The following KIAA1549L variants were observed in gnomAD, a reference collection of about 807,000 sequenced individuals.
The protein encoded by KIAA1549L is UPF0606 protein KIAA1549L.
Under a neutral mutation model 160.7 loss-of-function variants are expected in KIAA1549L, and 88 were observed. The observed-to-expected ratio is 0.55, with a 90% confidence interval of 0.46 to 0.65. KIAA1549L has a LOEUF of 0.65. Among genes scored for constraint, KIAA1549L ranks in the 30% least tolerant of loss-of-function variants. The probability of loss-of-function intolerance (pLI) is 0.00; values close to 1 mark genes in which losing one functional copy is unlikely to be tolerated. For synonymous variants in KIAA1549L, 950 were observed against 976.7 expected (o/e 0.97, Z 0.51); for missense variants, 2,258 against 2,437.5 (o/e 0.93, Z 1.55).
chr11:33,390,414 C>T (rs942407028), intron 1 of KIAA1549L, among the ~76,000 whole-genome samples: 5 of 152,178 alleles, frequency 3.3e-5, no homozygotes, highest in South Asian at 2.1e-4. Context: ...AAACCTTGCA[C>T]GGGGCTTTTC....
Position 33,574,874 on chromosome 11 carries a change from G to T in KIAA1549L, c.4402+1G>T. On this transcript the variant is annotated splice_donor_variant, in intron 10 of 20. Coordinates refer to ENST00000658780, the MANE Select transcript of KIAA1549L (RefSeq NM_012194.3). LOFTEE classifies it high-confidence loss of function. ...CACGTTGTCCTTCTGCAAGCTGACC[G>T]TAAGGGAATGGTCTTTTTATTCAGT... is the stretch of plus-strand genomic sequence containing the variant. The T allele has an allele frequency of 6.2e-7, 1 of 1,610,984 alleles. No individual in the cohort carries two copies. The highest frequency in any genetic ancestry group is 8.5e-7 in the Non-Finnish European group (1 of 1,178,064).
intron 17 of KIAA1549L, among the ~76,000 whole-genome samples, chr11:33,654,871 T>G (rs747731127): frequency 1.1e-4 from 16 of 152,196 alleles, no homozygotes; most frequent in Non-Finnish European, 2.4e-4. Flanking sequence ...GGTTGGCCCT[T>G]ATGAAGATGT....
At chr11:33,563,179 T>G (rs894441724) in intron 8 of KIAA1549L, among the ~76,000 whole-genome samples, 1 of 151,466 alleles carries the variant, frequency 6.6e-6, no homozygotes, top group Non-Finnish European at 1.5e-5. Flanking sequence ...CCAACATATC[T>G]AGTAAAAATA....
At chr11:33,386,735 T>C (rs1850180481) in intron 1 of KIAA1549L, among the ~76,000 whole-genome samples, 3 of 151,906 alleles carry the variant, frequency 2.0e-5, no homozygotes, top group African/African-American at 7.3e-5. Context: ...TTTAGTTTCA[T>C]GTTCATGAGG....
intron 1 of KIAA1549L, among the ~76,000 whole-genome samples, chr11:33,397,874 T>TA (rs1554973508): frequency 5.3e-5 from 8 of 151,240 alleles, no homozygotes; most frequent in South Asian, 2.1e-4. Flanking sequence ...TTGTTTTTTT[T>TA]AAATCAGGTT....
chr11:33,403,348 GA>G (rs1590221543), intron 1 of KIAA1549L: 4 of 11,500 alleles, frequency 3.5e-4, no homozygotes, highest in Non-Finnish European at 1.5e-3. Context: ...CAGACACGCA[GA>G]CAGACACACA....
chr11:33,545,244 C>A lies in KIAA1549L; in HGVS notation c.3251C>A (p.Ala1084Asp). The change falls in exon 3 of 21, where the codon GCC (alanine) becomes GAC (aspartate). Residue 1084 changes from alanine to aspartate, a missense_variant. Physicochemically the swap from Ala to Asp is moderately radical, Grantham distance 126. Around this residue, in one of 6 missense-constraint regions of KIAA1549L, gnomAD observed 1,359 missense variants for 1,546.6 expected, o/e 0.88. Coordinates refer to ENST00000658780, the MANE Select transcript of KIAA1549L (RefSeq NM_012194.3). The stretch of plus-strand genomic sequence containing the variant: ...ACATCCATTACAGCCTCAGTGAAGG[C>A]CACCCGGTTGCCACCATTGCGAGCA... ...ALTSITASVK[A>D]TRLPPLRAEN... 1 of 1,614,032 alleles carries A rather than the reference C, an allele frequency of 6.2e-7. No individual in the cohort carries two copies. Among genetic ancestry groups the A allele is most frequent in the Non-Finnish European group, 8.5e-7 (1 of 1,179,894 alleles).
At chr11:33,449,031 T>A (rs1851670950) in intron 1 of KIAA1549L, among the ~76,000 whole-genome samples, 1 of 152,168 alleles carries the variant, frequency 6.6e-6, no homozygotes, top group African/African-American at 2.4e-5. Flanking sequence ...TGAACTTTTG[T>A]TTCTATTGAA....
intron 19 of KIAA1549L, among the ~76,000 whole-genome samples, chr11:33,659,533 A>G (rs961651782): frequency 6.6e-6 from 1 of 152,222 alleles, no homozygotes; most frequent in Non-Finnish European, 1.5e-5. Flanking sequence ...GCTATAACAA[A>G]CAATGCTGAA....
chr11:33,506,206 G>A (rs1256320179), intron 1 of KIAA1549L, among the ~76,000 whole-genome samples: 1 of 152,204 alleles, frequency 6.6e-6, no homozygotes, highest in Non-Finnish European at 1.5e-5. Flanking sequence ...TAGGAAACTG[G>A]AGTGGGCCCT....
At chr11:33,625,400 C>A (rs1384599806) in intron 16 of KIAA1549L, among the ~76,000 whole-genome samples, 2 of 152,198 alleles carry the variant, frequency 1.3e-5, no homozygotes, top group African/African-American at 4.8e-5. Context: ...TCCTATTTCT[C>A]CATATCCTCT....
intron 13 of KIAA1549L, 68 bp downstream of exon 13, chr11:33,599,015 A>G: frequency 6.4e-7 from 1 of 1,554,648 alleles, no homozygotes; most frequent in Non-Finnish European, 8.8e-7. Context: ...ACATGCGTGC[A>G]CACGTGTGCA....
At chr11:33,580,294 C>G (rs953905851) in intron 10 of KIAA1549L, among the ~76,000 whole-genome samples, 5 of 152,184 alleles carry the variant, frequency 3.3e-5, no homozygotes, top group African/African-American at 1.2e-4. Flanking sequence ...TGCCACTTGG[C>G]TGGGCGCAGT....
chr11:33,510,917 G>T (rs919707761), intron 1 of KIAA1549L, among the ~76,000 whole-genome samples: 1 of 152,260 alleles, frequency 6.6e-6, no homozygotes, highest in African/African-American at 2.4e-5. Flanking sequence ...GCATGGTGCT[G>T]CAGAAAGGGC....
At position 33,544,305 on chromosome 11, in the gene KIAA1549L, G is replaced by A. The variant is rs1854156562; in HGVS notation, c.2742G>A (p.Leu914=). The A allele has an allele frequency of 3.7e-6, 6 of 1,613,920 alleles. No individual in the cohort carries two copies. Among genetic ancestry groups the A allele is most frequent in the Non-Finnish European group, 5.1e-6 (6 of 1,179,874 alleles). ...SVFPRTSSRV[L]RASQHPKKWT... ...TTCCCAGGACCTCCTCCAGAGTGCT[G>A]CGGGCTTCTCAGCACCCCAAGAAAT... is the stretch of plus-strand genomic sequence containing the variant. Residue 914 remains leucine, a synonymous_variant, in exon 2 of 21, where the codon CTG becomes CTA. Transcript: ENST00000658780.
At chr11:33,465,214 G>A (rs1192209748) in intron 1 of KIAA1549L, among the ~76,000 whole-genome samples, 2 of 151,836 alleles carry the variant, frequency 1.3e-5, no homozygotes, top group East Asian at 1.9e-4. Context: ...ACGCCACCAT[G>A]CCTTGCTATT....
Position 33,379,033 on chromosome 11 carries a change from C to T in KIAA1549L, c.238+2144C>T, listed in dbSNP as rs115413644. Among the ~76,000 whole-genome samples the T allele has an allele frequency of 2.8e-3, 431 of 152,298 alleles. 3 individuals are homozygous for T. Among genetic ancestry groups the T allele is most frequent in the African/African-American group, 8.9e-3 (371 of 41,556 alleles). ...TGGAACTTTTTCTGAGGAGTCGCTGCGGTTTGGTGTTGCCACTCATTGTAG... is the reference window on the plus strand; with the variant it reads ...TGGAACTTTTTCTGAGGAGTCGCTGTGGTTTGGTGTTGCCACTCATTGTAG... On this transcript the variant is annotated intron_variant, in intron 1 of 20. Transcript: ENST00000658780.
chr11:33,629,909 T>G (rs1851231184), intron 16 of KIAA1549L, among the ~76,000 whole-genome samples: 1 of 147,080 alleles, frequency 6.8e-6, no homozygotes, highest in Non-Finnish European at 1.5e-5. Flanking sequence ...TTTCCCCATC[T>G]TTGTGGTTTT....
intron 16 of KIAA1549L, among the ~76,000 whole-genome samples, chr11:33,632,902 G>T (rs1421248475): frequency 6.6e-6 from 1 of 151,984 alleles, no homozygotes; most frequent in East Asian, 1.9e-4. Flanking sequence ...GCATTTTAAG[G>T]AACACACCCA....
Sources: allele counts gnomAD v4.1 joint callset (sites outside exome capture counted in the v4.1 genomes callset), GRCh38; gene constraint gnomAD v4.1.1; regional missense constraint gnomAD v4.1.1; transcripts MANE v1.5; gene names NCBI Gene and HGNC (gene_info 2026-07-23, HGNC 2026-07-21).